RAVER2: variants seen among roughly 807,000 people sequenced by gnomAD.
RAVER2 encodes the protein ribonucleoprotein PTB-binding 2.
A neutral mutation model predicts 78.1 loss-of-function variants in RAVER2; 46 were observed. The observed-to-expected ratio is 0.59, with a 90% CI of 0.46 to 0.75. The LOEUF is 0.75. RAVER2 is among the 30% of genes least tolerant of loss of function. The probability of loss-of-function intolerance (pLI) is 0.00; values close to 1 mark genes in which losing one functional copy is unlikely to be tolerated. For missense variants in RAVER2, 793 were observed against 837.5 expected, an observed-to-expected ratio of 0.95 and a Z score of 0.66; for synonymous variants, 311 against 313.3, an observed-to-expected ratio of 0.99 and a Z score of 0.08.
exon 3 of RAVER2, chr1:64,777,900 G>A: frequency 6.2e-7 from 1 of 1,614,098 alleles, no homozygotes; most frequent in South Asian, 1.1e-5. Context: ...TTGCTGCAAA[G>A]GCTAGACTGG....
chr1:64,808,693 C>T lies in RAVER2; in HGVS notation c.1680+1219C>T, dbSNP rs976675489. 2.0e-4 allele frequency among the ~76,000 whole-genome samples: 31 copies of T among 152,132 alleles called. 1 individual carries two copies. Among genetic ancestry groups the T allele is most frequent in the African/African-American group, 7.2e-4 (30 of 41,494 alleles). On this transcript the variant is annotated intron_variant, in intron 9 of 11. Transcript: ENST00000294428. Reference sequence around the variant, plus strand: ...GCCAGACTGGTCTCGAACTCCTGAGCTCAGGTGATCTTCCCGCCTCGGCTT... The same window carrying T: ...GCCAGACTGGTCTCGAACTCCTGAGTTCAGGTGATCTTCCCGCCTCGGCTT...
intron 5 of RAVER2, among the ~76,000 whole-genome samples, chr1:64,799,415 C>CTTTTCT (rs974370049): frequency 6.6e-6 from 1 of 152,010 alleles, no homozygotes; most frequent in African/African-American, 2.4e-5. Flanking sequence ...TATGGATTTC[C>CTTTTCT]TTTTCTTTGG....
chr1:64,759,805 C>T (rs752717724), intron 1 of RAVER2, among the ~76,000 whole-genome samples: 3 of 152,128 alleles, frequency 2.0e-5, no homozygotes, highest in Non-Finnish European at 4.4e-5. Flanking sequence ...TGTAAGCCAC[C>T]GTGCCCGGCC....
At chr1:64,753,079 A>G (rs945623047) in intron 1 of RAVER2, among the ~76,000 whole-genome samples, 2 of 152,210 alleles carry the variant, frequency 1.3e-5, no homozygotes, top group Admixed American at 6.5e-5. Context: ...CTACCAACCA[A>G]TAGTATCCCA....
At chr1:64,795,579 G>A (rs1653073189) in intron 5 of RAVER2, among the ~76,000 whole-genome samples, 2 of 151,906 alleles carry the variant, frequency 1.3e-5, no homozygotes, top group Admixed American at 1.3e-4. Context: ...ATTTTAGATG[G>A]TACTGCTGTC....
At chr1:64,797,873 G>A (rs1653137879) in intron 5 of RAVER2, among the ~76,000 whole-genome samples, 2 of 150,380 alleles carry the variant, frequency 1.3e-5, no homozygotes, top group Non-Finnish European at 3.0e-5. Context: ...TATTACTACT[G>A]GCTACTCCAT....
Position 64,781,625 on chromosome 1 carries a change from T to C in RAVER2, c.978+54T>C. Reference sequence around the variant, plus strand: ...TTTAGAGTATAGAAAATTCTAATACTATTTTAATCTATCCAGTCTAGCCAA... The same window carrying C: ...TTTAGAGTATAGAAAATTCTAATACCATTTTAATCTATCCAGTCTAGCCAA... On this transcript the variant is annotated intron_variant, in intron 4 of 11. Transcript: ENST00000294428. 4 of 1,506,778 alleles carry C rather than the reference T, an allele frequency of 2.7e-6. No homozygotes were observed. The South Asian group carries it at 5.2e-5, about 20-fold the overall frequency. 93.3% of individuals were successfully genotyped at this position (1,506,778 alleles called of 1,614,324 possible). A position where few individuals can be genotyped will look rare whatever the true frequency, so the allele number is the denominator to read the frequency against.
intron 2 of RAVER2, among the ~76,000 whole-genome samples, chr1:64,773,882 G>A (rs1228609444): frequency 6.6e-6 from 1 of 152,200 alleles, no homozygotes; most frequent in Non-Finnish European, 1.5e-5. Context: ...TCTAACTGGT[G>A]TGAGATGGTA....
intron 4 of RAVER2, among the ~76,000 whole-genome samples, chr1:64,782,150 C>T (rs1465340414): frequency 3.3e-5 from 5 of 152,156 alleles, no homozygotes; most frequent in African/African-American, 7.2e-5. Context: ...GTGATCTGCC[C>T]GCCTCAGCCT....
intron 1 of RAVER2, among the ~76,000 whole-genome samples, chr1:64,751,466 A>G (rs901222547): frequency 6.6e-6 from 1 of 152,208 alleles, no homozygotes; most frequent in African/African-American, 2.4e-5. Flanking sequence ...AAATGAAGTC[A>G]ACTCTGATCA....
intron 5 of RAVER2, among the ~76,000 whole-genome samples, chr1:64,801,080 A>G: frequency 6.7e-6 from 1 of 149,272 alleles, no homozygotes; most frequent in Non-Finnish European, 1.5e-5. Context: ...TATTTTATAT[A>G]TATATATATA....
intron 11 of RAVER2, among the ~76,000 whole-genome samples, chr1:64,826,011 G>T (rs903471593): frequency 6.6e-6 from 1 of 152,240 alleles, no homozygotes; most frequent in African/African-American, 2.4e-5. Flanking sequence ...TGCTTTGGTA[G>T]GCTCTAGTAG....
exon 12 of RAVER2, chr1:64,831,116 G>T: frequency 1.1e-6 from 1 of 951,110 alleles, no homozygotes; most frequent in Non-Finnish European, 1.5e-6. Flanking sequence ...GAACTGTGTT[G>T]TGCAGCAGGC....
At chr1:64,766,660 T>C (rs12022913) in intron 1 of RAVER2, among the ~76,000 whole-genome samples, 15,069 of 152,178 alleles carry the variant, frequency 0.099, 1,067 homozygotes, top group East Asian at 0.28. Flanking sequence ...TAACATGTCA[T>C]TTGTTTACAG....
At chr1:64,807,733 G>C (rs534878981) in intron 9 of RAVER2, among the ~76,000 whole-genome samples, 1 of 152,124 alleles carries the variant, frequency 6.6e-6, no homozygotes, top group Non-Finnish European at 1.5e-5. Flanking sequence ...TGTAAGTAAA[G>C]TAATTTTAAT....
chr1:64,811,390 G>C (rs1428629022), intron 9 of RAVER2, among the ~76,000 whole-genome samples: 3 of 152,136 alleles, frequency 2.0e-5, no homozygotes, highest in Non-Finnish European at 2.9e-5. Flanking sequence ...CATGTTTAGT[G>C]CAATACCATA....
intron 6 of RAVER2, among the ~76,000 whole-genome samples, chr1:64,803,770 T>C (rs2100872642): frequency 6.6e-6 from 1 of 152,352 alleles, no homozygotes; most frequent in East Asian, 1.9e-4. Context: ...GTATCTGACA[T>C]ATATGTATTA....
intron 10 of RAVER2, among the ~76,000 whole-genome samples, chr1:64,814,196 G>A (rs1326207958): frequency 6.6e-6 from 1 of 152,134 alleles, no homozygotes; most frequent in Non-Finnish European, 1.5e-5. Flanking sequence ...CTGGGTTCAA[G>A]CAATTCTTAT....
intron 1 of RAVER2, among the ~76,000 whole-genome samples, chr1:64,762,550 G>T (rs900355238): frequency 6.6e-6 from 1 of 151,836 alleles, no homozygotes; most frequent in African/African-American, 2.4e-5. Context: ...TGTGATATTG[G>T]TACAGTGACT....
Sources: gnomAD v4.1 joint callset for allele counts (sites outside exome capture counted in the v4.1 genomes callset) on GRCh38, gnomAD v4.1.1 for gene constraint, MANE v1.5 for transcripts, NCBI Gene and HGNC (gene_info 2026-07-23, HGNC 2026-07-21) for gene names.